CAMK4: variants seen among roughly 807,000 people sequenced by gnomAD.
The protein encoded by CAMK4 is calcium/calmodulin dependent protein kinase IV, also known as calcium/calmodulin-dependent protein kinase type IV.
A neutral mutation model predicts 44.9 loss-of-function variants in CAMK4; 22 were observed. That is an observed-to-expected ratio of 0.49 (90% CI 0.35 to 0.70). CAMK4 has a LOEUF of 0.70. Ranked by LOEUF, CAMK4 falls within the 30% of genes least tolerant of loss-of-function variation. The pLI, the probability that CAMK4 is intolerant of heterozygous loss-of-function variation, is 0.01. For missense variants in CAMK4, 498 were observed against 586.8 expected, an observed-to-expected ratio of 0.85 and a Z score of 1.56; for synonymous variants, 218 against 215.4, an observed-to-expected ratio of 1.01 and a Z score of -0.11.
intron 1 of CAMK4, among the ~76,000 whole-genome samples, chr5:111,308,163 G>T (rs1275292704): frequency 8.3e-4 from 113 of 136,962 alleles, no homozygotes; most frequent in Non-Finnish European, 1.3e-3. Context: ...TGACACGTTA[G>T]TGGGTGCAGC....
chr5:111,450,553 C>T (rs7722627), intron 7 of CAMK4, among the ~76,000 whole-genome samples: 3,708 of 122,612 alleles, frequency 0.03, 545 homozygotes, highest in African/African-American at 0.12. Context: ...TTTCGGAGGC[C>T]GAGGTGGGTG....
At chr5:111,231,781 G>T (rs1748489005) in intron 1 of CAMK4, among the ~76,000 whole-genome samples, 1 of 152,130 alleles carries the variant, frequency 6.6e-6, no homozygotes, top group Admixed American at 6.5e-5. Context: ...GTGAATAAAA[G>T]CAAATTGTAT....
intron 5 of CAMK4, among the ~76,000 whole-genome samples, chr5:111,416,811 C>T (rs938219636): frequency 1.3e-5 from 2 of 152,102 alleles, no homozygotes; most frequent in African/African-American, 4.8e-5. Context: ...CTACTATTAA[C>T]ATATTAATAC....
At chr5:111,379,913 G>A (rs1462376749) in intron 4 of CAMK4, among the ~76,000 whole-genome samples, 1 of 152,072 alleles carries the variant, frequency 6.6e-6, no homozygotes, top group South Asian at 2.1e-4. Context: ...AATTACATAG[G>A]ACAGTTTATT....
At chr5:111,363,960 A>C (rs1390489028) in intron 2 of CAMK4, among the ~76,000 whole-genome samples, 1 of 152,142 alleles carries the variant, frequency 6.6e-6, no homozygotes, top group African/African-American at 2.4e-5. Context: ...AAGGGTAAGG[A>C]TCAAAGCAGT....
chr5:111,378,349 C>T (rs953645008), intron 4 of CAMK4, among the ~76,000 whole-genome samples: 1 of 152,084 alleles, frequency 6.6e-6, no homozygotes, highest in Non-Finnish European at 1.5e-5. Context: ...TTTTAAATAG[C>T]AGCTCAAATG....
rs1278867679 is a variant in CAMK4 at position 111,235,988 on chromosome 5, C to T, written c.161+11344C>T. Among the ~76,000 whole-genome samples the T allele has an allele frequency of 4.6e-5, 7 of 152,194 alleles. 1 individual carries two copies. The highest frequency in any genetic ancestry group is 1.5e-5 in the Non-Finnish European group (1 of 68,032). ...AGGCAGGGGCTAAGACAGGAACAGG[C>T]AGGACACAATTGTTACTTGACGGCC... On this transcript the variant is annotated intron_variant, in intron 1 of 10. Coordinates refer to ENST00000282356, the MANE Select transcript of CAMK4 (RefSeq NM_001744.6).
chr5:111,268,024 T>C (rs1389308303), intron 1 of CAMK4, among the ~76,000 whole-genome samples: 1 of 152,200 alleles, frequency 6.6e-6, no homozygotes, highest in Middle Eastern at 3.2e-3. Context: ...AGAAGCCTAT[T>C]GGGAGTTCCA....
intron 1 of CAMK4, among the ~76,000 whole-genome samples, chr5:111,279,812 C>T (rs1478656309): frequency 2.0e-5 from 3 of 152,072 alleles, no homozygotes; most frequent in African/African-American, 7.2e-5. Context: ...AATATTTATC[C>T]TTGTGTCCTT....
At chr5:111,320,293 T>C (rs1748605578) in intron 1 of CAMK4, among the ~76,000 whole-genome samples, 1 of 151,622 alleles carries the variant, frequency 6.6e-6, no homozygotes, top group Non-Finnish European at 1.5e-5. Context: ...TAGGGGAGGG[T>C]CATGGTCAGA....
intron 2 of CAMK4, among the ~76,000 whole-genome samples, chr5:111,359,706 A>G (rs1750515790): frequency 1.3e-5 from 2 of 151,944 alleles, no homozygotes; most frequent in Admixed American, 1.3e-4. Flanking sequence ...CAGAGTTTTT[A>G]TAGTTTTGGG....
chr5:111,352,148 A>G (rs1750136850), intron 2 of CAMK4, among the ~76,000 whole-genome samples: 1 of 152,156 alleles, frequency 6.6e-6, no homozygotes, highest in African/African-American at 2.4e-5. Context: ...GGACACAAAT[A>G]CTTAGTCCAT....
chr5:111,453,420 C>T (rs920055014), intron 7 of CAMK4, among the ~76,000 whole-genome samples: 1 of 152,062 alleles, frequency 6.6e-6, no homozygotes, highest in African/African-American at 2.4e-5. Context: ...CAGTTCTAGC[C>T]CTTTCTTCCC....
intron 1 of CAMK4, among the ~76,000 whole-genome samples, chr5:111,289,378 A>G (rs567298841): frequency 9.2e-5 from 14 of 152,134 alleles, no homozygotes; most frequent in African/African-American, 2.9e-4. Flanking sequence ...AAGAAATACA[A>G]TGAAGTCAAA....
chr5:111,443,265 TATATATATATATATAC>T (rs1314173784), intron 5 of CAMK4, among the ~76,000 whole-genome samples: 93 of 49,056 alleles, frequency 1.9e-3, no homozygotes, highest in African/African-American at 6.4e-3. Flanking sequence ...TATATATATA[TATATATATATATATAC>T]ACACACACAC....
At chr5:111,268,138 G>GTAGATCCATGGACACAT (rs1750346180) in intron 1 of CAMK4, among the ~76,000 whole-genome samples, 1 of 152,130 alleles carries the variant, frequency 6.6e-6, no homozygotes, top group Non-Finnish European at 1.5e-5. Flanking sequence ...TTTTACTACT[G>GTAGATCCATGGACACAT]TAGATCCATG....
At chr5:111,383,992 C>G (rs1029462278) in intron 4 of CAMK4, among the ~76,000 whole-genome samples, 2 of 152,086 alleles carry the variant, frequency 1.3e-5, no homozygotes, top group Admixed American at 1.3e-4. Context: ...TTTCCTAGGT[C>G]TGGAAATTGA....
intron 7 of CAMK4, among the ~76,000 whole-genome samples, chr5:111,464,505 C>T (rs568954401): frequency 1.0e-3 from 155 of 152,156 alleles, no homozygotes; most frequent in Non-Finnish European, 1.8e-3. Flanking sequence ...AAATTTATTG[C>T]ATAAAGATCA....
intron 2 of CAMK4, among the ~76,000 whole-genome samples, chr5:111,362,826 C>G (rs534376369): frequency 2.5e-4 from 38 of 152,124 alleles, no homozygotes; most frequent in African/African-American, 6.7e-4. Context: ...GTCAAAATAT[C>G]CACAGCTACA....
Sources: gnomAD v4.1 joint callset for allele counts (sites outside exome capture counted in the v4.1 genomes callset) on GRCh38, gnomAD v4.1.1 for gene constraint, MANE v1.5 for transcripts, NCBI Gene and HGNC (gene_info 2026-07-23, HGNC 2026-07-21) for gene names.